CACNA1A: variants seen among roughly 807,000 people sequenced by gnomAD.
CACNA1A encodes voltage-dependent P/Q-type calcium channel subunit alpha-1A.
CACNA1A carries 57 observed loss-of-function variants against 262.4 expected under a neutral mutation model. The ratio of observed to expected loss-of-function variants is 0.22; its 90% CI spans 0.18 to 0.27. The LOEUF is 0.27. Among genes scored for constraint, CACNA1A ranks in the 10% least tolerant of loss-of-function variants. CACNA1A has a pLI of 1.00. For missense variants in CACNA1A, 2,526 were observed against 3,562.8 expected (o/e 0.71, Z 7.41); for synonymous variants, 1,431 against 1,419.3 (o/e 1.01, Z -0.18).
intron 28 of CACNA1A, among the ~76,000 whole-genome samples, chr19:13,255,483 A>G (rs574666917): frequency 1.3e-5 from 2 of 152,188 alleles, no homozygotes; most frequent in African/African-American, 2.4e-5. Flanking sequence ...CAAAACTTGC[A>G]CTGACATTTC....
intron 30 of CACNA1A, among the ~76,000 whole-genome samples, chr19:13,250,997 T>C (rs1430394467): frequency 6.6e-6 from 1 of 151,070 alleles, no homozygotes; most frequent in Non-Finnish European, 1.5e-5. Flanking sequence ...CCTGGCATGC[T>C]GGTGTGCATC....
At chr19:13,398,524 A>T (rs568495244) in intron 3 of CACNA1A, among the ~76,000 whole-genome samples, 2 of 152,310 alleles carry the variant, frequency 1.3e-5, no homozygotes, top group South Asian at 4.1e-4. Flanking sequence ...GAAGGGTTCA[A>T]TAAGTGTTTG....
chr19:13,327,819 C>T (rs938226379), intron 10 of CACNA1A, among the ~76,000 whole-genome samples: 10 of 152,126 alleles, frequency 6.6e-5, no homozygotes, highest in African/African-American at 1.2e-4. Flanking sequence ...GCGATCTACC[C>T]GCCTCAGCCT....
At position 13,452,775 on chromosome 19, in the gene CACNA1A, C is replaced by G. The variant is rs937161108; in HGVS notation, c.539+101G>C. The G allele has an allele frequency of 2.6e-4, 295 of 1,127,848 alleles. 1 individual carries two copies. The highest frequency in any genetic ancestry group is 2.4e-4 in the Non-Finnish European group (189 of 780,564). 69.9% of individuals were successfully genotyped at this position (1,127,848 alleles called of 1,614,324 possible). A position where few individuals can be genotyped will look rare whatever the true frequency, so the allele number is the denominator to read the frequency against. On this transcript the variant is annotated intron_variant, in intron 3 of 46. Coordinates refer to ENST00000360228, the MANE Select transcript of CACNA1A (RefSeq NM_001127222.2). ...GCGCATAACAAGGGGAGGGAGAACACAAGGGCTCAGCCTTCCTGAGCCTGG... is the reference window on the plus strand; with the variant it reads ...GCGCATAACAAGGGGAGGGAGAACAGAAGGGCTCAGCCTTCCTGAGCCTGG...
chr19:13,373,588 C>A (rs1251248886), intron 3 of CACNA1A, among the ~76,000 whole-genome samples: 1 of 152,194 alleles, frequency 6.6e-6, no homozygotes, highest in Non-Finnish European at 1.5e-5. Context: ...GGACAACTCA[C>A]CCTTCCTTGC....
Position 13,408,031 on chromosome 19 carries a change from C to T in CACNA1A, c.540-36252G>A, listed in dbSNP as rs560435340. Among the ~76,000 whole-genome samples the T allele has an allele frequency of 1.1e-4, 16 of 152,258 alleles. No individual in the cohort carries two copies. The East Asian group carries it at 2.1e-3, about 20-fold the overall frequency. ...ATGTGCTTGTTTCCCCTTCATTTTCCGCCATGATTGCAAGTTTCCTGTGGC... is the reference window on the plus strand; with the variant it reads ...ATGTGCTTGTTTCCCCTTCATTTTCTGCCATGATTGCAAGTTTCCTGTGGC... On this transcript the variant is annotated intron_variant, in intron 3 of 46. Transcript: ENST00000360228.
chr19:13,239,044 G>T (rs2055978823), intron 31 of CACNA1A, among the ~76,000 whole-genome samples: 1 of 152,068 alleles, frequency 6.6e-6, no homozygotes, highest in East Asian at 1.9e-4. Context: ...CTCCAGCCCA[G>T]CCTCCTGTCA....
At chr19:13,462,491 T>C (rs930405864) in intron 1 of CACNA1A, among the ~76,000 whole-genome samples, 3 of 152,204 alleles carry the variant, frequency 2.0e-5, no homozygotes, top group African/African-American at 4.8e-5. Flanking sequence ...TGCAATATGA[T>C]CAACTATTAT....
At chr19:13,332,572 A>G (rs756091398) in intron 9 of CACNA1A, among the ~76,000 whole-genome samples, 5 of 152,214 alleles carry the variant, frequency 3.3e-5, no homozygotes, top group Non-Finnish European at 7.3e-5. Flanking sequence ...TCTATTTGCC[A>G]TAACGAATAT....
intron 1 of CACNA1A, among the ~76,000 whole-genome samples, chr19:13,490,405 C>T (rs1414840505): frequency 1.3e-5 from 2 of 152,192 alleles, no homozygotes; most frequent in East Asian, 3.9e-4. Context: ...GAGGTCGAGA[C>T]CAGCTTGGCC....
chr19:13,277,004 G>A, intron 23 of CACNA1A, 65 bp downstream of exon 23: 1 of 1,043,772 alleles, frequency 9.6e-7, no homozygotes. Flanking sequence ...GATCCACTGT[G>A]CCCAGCCCTG....
intron 27 of CACNA1A, chr19:13,258,535 T>C (rs1416657707): frequency 6.6e-6 from 1 of 152,172 alleles, no homozygotes; most frequent in Non-Finnish European, 1.5e-5. Context: ...ATTGCGATGA[T>C]TTTCAGACAG....
At chr19:13,486,559 T>C (rs1980018942) in intron 1 of CACNA1A, among the ~76,000 whole-genome samples, 1 of 151,814 alleles carries the variant, frequency 6.6e-6, no homozygotes, top group South Asian at 2.1e-4. Flanking sequence ...TGAAAAGAGA[T>C]GACGAGTTGG....
At chr19:13,248,659 G>A (rs560636662) in intron 30 of CACNA1A, among the ~76,000 whole-genome samples, 3 of 152,024 alleles carry the variant, frequency 2.0e-5, no homozygotes, top group South Asian at 2.1e-4. Flanking sequence ...CCTGGCTGAC[G>A]TGGTGAATCC....
rs1412028756 is a variant in CACNA1A, at chr19:13,235,200, G to A, written c.5133+9C>T. 17 of 1,606,536 alleles carry A rather than the reference G, an allele frequency of 1.1e-5. No individual in the cohort carries two copies. The highest frequency in any genetic ancestry group is 7.8e-5 in the South Asian group (7 of 90,270). ...GAGGCTCTGGGAACCTTAGGGACAC[G>A]ACACTCACCTGCATCCCAATGATGG... On this transcript the variant is annotated intron_variant, in intron 33 of 46. Coordinates refer to ENST00000360228, the MANE Select transcript of CACNA1A (RefSeq NM_001127222.2).
intron 19 of CACNA1A, among the ~76,000 whole-genome samples, chr19:13,295,111 C>T (rs557651204): frequency 2.6e-5 from 4 of 152,190 alleles, no homozygotes; most frequent in Non-Finnish European, 5.9e-5. Context: ...TGTCTCAGAC[C>T]ACTTCACTTG....
At chr19:13,225,355 C>A (rs2055397230) in intron 37 of CACNA1A, 2 of 152,928 alleles carry the variant, frequency 1.3e-5, no homozygotes, top group Non-Finnish European at 1.5e-5. Flanking sequence ...TGACACAGAA[C>A]AGCACAGACA....
chr19:13,429,212 CTT>C (rs2060460043), intron 3 of CACNA1A, among the ~76,000 whole-genome samples: 4 of 150,638 alleles, frequency 2.7e-5, no homozygotes, highest in Non-Finnish European at 5.9e-5. Context: ...ACACACCCCT[CTT>C]TCTCTCTCTT....
chr19:13,355,507 T>C (rs1037790864), intron 6 of CACNA1A, among the ~76,000 whole-genome samples: 1 of 152,168 alleles, frequency 6.6e-6, no homozygotes, highest in African/African-American at 2.4e-5. Flanking sequence ...GGTGTGTACG[T>C]GACCAGGTTA....
Sources: gnomAD v4.1 joint callset for allele counts (sites outside exome capture counted in the v4.1 genomes callset) on GRCh38, gnomAD v4.1.1 for gene constraint, MANE v1.5 for transcripts, NCBI Gene and HGNC (gene_info 2026-07-23, HGNC 2026-07-21) for gene names.